The following LHFPL2 variants were observed in gnomAD, a reference collection of about 807,000 sequenced individuals.
The protein encoded by LHFPL2 is LHFPL tetraspan subfamily member 2 protein.
LHFPL2 carries 7 observed loss-of-function variants against 17.5 expected under a neutral mutation model. The ratio of observed to expected loss-of-function variants is 0.40; its 90% CI spans 0.23 to 0.75. The LOEUF (loss-of-function observed/expected upper bound fraction) is 0.75, where lower values mean the gene tolerates loss of function less well. Among genes scored for constraint, LHFPL2 ranks in the 30% least tolerant of loss-of-function variants. The pLI is 0.37. For missense variants in LHFPL2, 241 were observed against 294.8 expected, an observed-to-expected ratio of 0.82 and a Z score of 1.34; for synonymous variants, 134 against 116.2, an observed-to-expected ratio of 1.15 and a Z score of -0.99.
intron 3 of LHFPL2, 52 bp downstream of exon 3, chr5:78,564,761 A>G (rs553877389): frequency 6.6e-6 from 1 of 152,320 alleles, no homozygotes; most frequent in African/African-American, 2.4e-5. Flanking sequence ...TCGCTGGAAA[A>G]TTGTTTCCAA....
In LHFPL2 at chr5:78,588,505, T is replaced by C. The variant is rs149564659; in HGVS notation, c.-244-23634A>G. On this transcript the variant is annotated intron_variant, in intron 2 of 4. Transcript: ENST00000380345. ...AAATAACACCTCCATCTGGGTACCT[T>C]AGTTTTCTAATCTAATGTCTAGCCA... Among the ~76,000 whole-genome samples the C allele has an allele frequency of 4.3e-3, 654 of 152,328 alleles. 4 individuals carry two copies. Among genetic ancestry groups the C allele is most frequent in the African/African-American group, 0.012 (515 of 41,576 alleles).
intron 2 of LHFPL2, among the ~76,000 whole-genome samples, chr5:78,600,698 AGC>A (rs778717333): frequency 1.3e-5 from 2 of 152,216 alleles, no homozygotes; most frequent in African/African-American, 2.4e-5. Flanking sequence ...ATTGCACTGC[AGC>A]CTGGGCAACA....
intron 2 of LHFPL2, among the ~76,000 whole-genome samples, chr5:78,570,487 A>AT (rs1265085100): frequency 2.0e-5 from 3 of 152,148 alleles, no homozygotes; most frequent in African/African-American, 7.2e-5. Flanking sequence ...AACTCCTTCT[A>AT]TTGTAGGGTA....
chr5:78,551,502 C>T (rs1273761559), intron 3 of LHFPL2, among the ~76,000 whole-genome samples: 1 of 152,142 alleles, frequency 6.6e-6, no homozygotes, highest in Non-Finnish European at 1.5e-5. Flanking sequence ...AGAAATGGCT[C>T]CAGGCCCTGG....
At chr5:78,604,747 TTAAAA>T (rs1472599258) in intron 2 of LHFPL2, among the ~76,000 whole-genome samples, 1 of 152,204 alleles carries the variant, frequency 6.6e-6, no homozygotes, top group African/African-American at 2.4e-5. Context: ...ACGGCTGGCT[TTAAAA>T]TAAAGTTGAC....
At chr5:78,527,372 T>TTG (rs1404033067) in intron 3 of LHFPL2, among the ~76,000 whole-genome samples, 8 of 149,608 alleles carry the variant, frequency 5.3e-5, no homozygotes, top group South Asian at 4.2e-4. Context: ...AGTTTTTTTT[T>TTG]TTTTTTTTTT....
intron 2 of LHFPL2, among the ~76,000 whole-genome samples, chr5:78,630,596 C>A (rs1486291386): frequency 6.6e-6 from 1 of 151,838 alleles, no homozygotes; most frequent in Admixed American, 6.6e-5. Context: ...TCATTCAATT[C>A]TCCTTCAGGA....
At chr5:78,573,185 A>C (rs916596772) in intron 2 of LHFPL2, among the ~76,000 whole-genome samples, 1 of 152,168 alleles carries the variant, frequency 6.6e-6, no homozygotes, top group Non-Finnish European at 1.5e-5. Flanking sequence ...TCATTTCTAC[A>C]AGATCCATGA....
chr5:78,507,994 G>C (rs62378885), intron 4 of LHFPL2, among the ~76,000 whole-genome samples: 12,128 of 151,780 alleles, frequency 0.08, 655 homozygotes, highest in Non-Finnish European at 0.12. Context: ...GAGGCACCGT[G>C]TGTCCAAGGA....
At chr5:78,601,248 A>G (rs1744000789) in intron 2 of LHFPL2, among the ~76,000 whole-genome samples, 2 of 152,232 alleles carry the variant, frequency 1.3e-5, no homozygotes, top group South Asian at 2.1e-4. Flanking sequence ...CTGTGAGGAT[A>G]AAGTAACAGA....
At chr5:78,618,194 T>C (rs895820041) in intron 2 of LHFPL2, among the ~76,000 whole-genome samples, 19 of 151,788 alleles carry the variant, frequency 1.3e-4, no homozygotes, top group African/African-American at 4.1e-4. Flanking sequence ...GAGCAAGACA[T>C]TGTCTCAAAA....
chr5:78,486,673 T>TAA lies in LHFPL2; in HGVS notation c.*2222_*2223dup, dbSNP rs983326393. 2.2e-4 allele frequency: 33 copies of TAA among 152,228 alleles called. No homozygotes were observed. The highest frequency in any genetic ancestry group is 7.7e-4 in the African/African-American group (32 of 41,416). The allele number at this position is 152,228 out of a possible 1,614,324, so 9.4% of individuals were successfully genotyped here. ...TTGTCTTCTGTTGCATTCAGATTAA[T>TAA]AACATAAACACTATCGAGTGAGTTT... On this transcript the variant is annotated 3_prime_UTR_variant, in exon 5 of 5. Transcript: ENST00000380345.
intron 3 of LHFPL2, among the ~76,000 whole-genome samples, chr5:78,538,020 T>C (rs1238666253): frequency 6.6e-6 from 1 of 152,196 alleles, no homozygotes; most frequent in African/African-American, 2.4e-5. Flanking sequence ...TTCATCACAG[T>C]ACTTTCCCCC....
intron 3 of LHFPL2, among the ~76,000 whole-genome samples, chr5:78,533,162 G>A (rs1041391864): frequency 1.5e-4 from 23 of 152,190 alleles, no homozygotes; most frequent in African/African-American, 4.8e-4. Flanking sequence ...CCAGGTCAGT[G>A]CCGTCAGCTT....
chr5:78,492,533 G>A (rs1754478716), intron 4 of LHFPL2, among the ~76,000 whole-genome samples: 1 of 152,198 alleles, frequency 6.6e-6, no homozygotes, highest in Non-Finnish European at 1.5e-5. Context: ...CCTTTCCACA[G>A]CGTGCTGAGC....
intron 3 of LHFPL2, among the ~76,000 whole-genome samples, chr5:78,526,369 C>T (rs1659256711): frequency 1.3e-5 from 2 of 152,156 alleles, no homozygotes; most frequent in Admixed American, 1.3e-4. Flanking sequence ...CTATCTGACT[C>T]ATAGCGAATG....
intron 3 of LHFPL2, among the ~76,000 whole-genome samples, chr5:78,538,062 C>A (rs1291987732): frequency 6.6e-6 from 1 of 152,184 alleles, no homozygotes; most frequent in Non-Finnish European, 1.5e-5. Context: ...AGAATCTTCT[C>A]AATAGAGCCC....
intron 4 of LHFPL2, among the ~76,000 whole-genome samples, chr5:78,502,300 T>C (rs933491132): frequency 6.6e-6 from 1 of 152,232 alleles, no homozygotes; most frequent in Non-Finnish European, 1.5e-5. Context: ...GGAGAAACAA[T>C]CTAGAAGAAA....
chr5:78,558,338 G>A (rs2112405457), intron 3 of LHFPL2, among the ~76,000 whole-genome samples: 1 of 152,246 alleles, frequency 6.6e-6, no homozygotes, highest in South Asian at 2.1e-4. Context: ...TTCCTTTCTG[G>A]GAGCAATTTT....
Sources: gnomAD v4.1 joint callset for allele counts (sites outside exome capture counted in the v4.1 genomes callset) on GRCh38, gnomAD v4.1.1 for gene constraint, MANE v1.5 for transcripts, NCBI Gene and HGNC (gene_info 2026-07-23, HGNC 2026-07-21) for gene names.